The following GRHL3 variants were observed in gnomAD, a reference collection of about 807,000 sequenced individuals.
GRHL3 encodes the protein grainyhead like transcription factor 3.
Under a neutral mutation model 70.3 loss-of-function variants are expected in GRHL3, and 20 were observed. The ratio of observed to expected loss-of-function variants is 0.28; its 90% CI spans 0.20 to 0.41. GRHL3 has a LOEUF of 0.41. GRHL3 is among the 10% of genes least tolerant of loss of function. The pLI is 1.00. For synonymous variants in GRHL3, 299 were observed against 299.9 expected (o/e 1.00, Z 0.03); for missense variants, 637 against 762.3 (o/e 0.84, Z 1.94).
At chr1:24,337,968 G>A (rs748931863) in intron 6 of GRHL3, 24 bp from the exon 7 acceptor site, 2 of 1,574,362 alleles carry the variant, frequency 1.3e-6, no homozygotes, top group East Asian at 4.5e-5. Context: ...GGCCGGGAGT[G>A]ACTGTGACCA....
chr1:24,321,327 C>A lies in GRHL3; in HGVS notation c.17+1759C>A, dbSNP rs973588827. ...CAGTTGCCTGCTGAGTAATTGCAGG[C>A]GGACTCCAAGCCACCATTTGAGATT... On this transcript the variant is annotated intron_variant, in intron 1 of 15. Transcript: ENST00000361548. This position sits in a 1 kb window ranked among gnomAD's most constrained non-coding sequence, Gnocchi z 4.0. 1.3e-5 allele frequency among the ~76,000 whole-genome samples: 2 copies of A among 152,174 alleles called. No homozygotes were observed. Among genetic ancestry groups the A allele is most frequent in the African/African-American group, 2.4e-5 (1 of 41,430 alleles).
downstream of GRHL3, chr1:24,358,611 T>C (rs1268262223): frequency 6.2e-7 from 1 of 1,613,306 alleles, no homozygotes; most frequent in Admixed American, 1.7e-5. Flanking sequence ...AGCTCTGGCT[T>C]GTACGTAGCT....
intron 6 of GRHL3, 81 bp from the exon 7 acceptor site, chr1:24,337,911 G>A (rs933528376): frequency 2.6e-6 from 4 of 1,550,578 alleles, no homozygotes; most frequent in African/African-American, 2.7e-5. Flanking sequence ...CAGGGTTGGG[G>A]AAACTGAGGC....
intron 13 of GRHL3, among the ~76,000 whole-genome samples, chr1:24,347,146 C>T (rs1180995954): frequency 2.0e-5 from 3 of 152,186 alleles, no homozygotes; most frequent in Non-Finnish European, 2.9e-5. Context: ...CCAGACACTG[C>T]CATCAATTCC....
chr1:24,341,036 G>C (rs1417582673), intron 8 of GRHL3, among the ~76,000 whole-genome samples: 1 of 152,122 alleles, frequency 6.6e-6, no homozygotes, highest in East Asian at 1.9e-4. Flanking sequence ...AAAGAAGGGG[G>C]TCTGCTCAGA....
chr1:24,336,994 C>A, intron 4 of GRHL3, 84 bp from the exon 5 acceptor site: 2 of 1,357,132 alleles, frequency 1.5e-6, no homozygotes, highest in Non-Finnish European at 2.1e-6. Flanking sequence ...GTACAACCTG[C>A]ATAGCTGTAA....
At chr1:24,358,532 G>A (rs371334407), downstream of GRHL3, 31 of 1,609,814 alleles carry the variant, frequency 1.9e-5, no homozygotes, top group African/African-American at 2.7e-5. Flanking sequence ...CCTTGACCTT[G>A]TGTGACATCC....
At chr1:24,330,618 C>T (rs554236217) in intron 1 of GRHL3, among the ~76,000 whole-genome samples, 1 of 152,144 alleles carries the variant, frequency 6.6e-6, no homozygotes, top group African/African-American at 2.4e-5. Context: ...CTGTTAGGTC[C>T]CTGCTCCTTC....
Position 24,347,481 on chromosome 1 carries a change from GCGGAGGGAGAC to G in GRHL3, c.1558_1568del (p.Arg520Ter), listed in dbSNP as rs2148664290. ...CTTGCTTTTCAGTTCTGCTGTATGTGCGGAGGGAGACTGAGGAGGTGTTTGACGCGCTCATG... is the reference window on the plus strand; with the variant it reads ...CTTGCTTTTCAGTTCTGCTGTATGTGTGAGGAGGTGTTTGACGCGCTCATG... On this transcript the variant is annotated frameshift_variant, in exon 14 of 16. Coordinates refer to ENST00000361548, the MANE Select transcript of GRHL3 (RefSeq NM_198173.3). LOFTEE classifies it high-confidence loss of function. 1 of 1,614,116 alleles carries G rather than the reference GCGGAGGGAGAC, an allele frequency of 6.2e-7. No homozygotes were observed. The highest frequency in any genetic ancestry group is 2.2e-5 in the East Asian group (1 of 44,886).
chr1:24,358,519 T>G (rs1173950048), downstream of GRHL3: 1 of 1,598,514 alleles, frequency 6.3e-7, no homozygotes, highest in Non-Finnish European at 8.6e-7. Context: ...TGGCTGGAGT[T>G]CTCCTTGACC....
intron 11 of GRHL3, among the ~76,000 whole-genome samples, chr1:24,343,922 G>T (rs1353045979): frequency 1.3e-5 from 2 of 152,192 alleles, no homozygotes; most frequent in African/African-American, 4.8e-5. Flanking sequence ...TGGCACAGGC[G>T]CAGAGCACTG....
chr1:24,360,864 G>C, intron 15 of GRHL3: 1 of 1,612,760 alleles, frequency 6.2e-7, no homozygotes, highest in Non-Finnish European at 8.5e-7. Context: ...GGCCAGGCAG[G>C]CCTGGCTGAG....
Position 24,349,236 on chromosome 1 carries a change from C to CA in GRHL3, c.1630-820dup, listed in dbSNP as rs1640407719. 2.0e-5 allele frequency among the ~76,000 whole-genome samples: 3 copies of CA among 152,326 alleles called. No individual in the cohort carries two copies. The South Asian group carries it at 6.2e-4, about 32-fold the overall frequency. On this transcript the variant is annotated intron_variant, in intron 14 of 15. Transcript: ENST00000361548. ...GCTGTGTGATCTCAGGCAGGTCACTCAACAAGCCTCTGACCCACAGTCTCC... is the reference window on the plus strand; with the variant it reads ...GCTGTGTGATCTCAGGCAGGTCACTCAAACAAGCCTCTGACCCACAGTCTCC...
At chr1:24,364,232 A>T (rs1557431462) in exon 16 of GRHL3, 3 of 1,543,932 alleles carry the variant, frequency 1.9e-6, no homozygotes, top group Non-Finnish European at 2.6e-6. Context: ...CCCCCACCTG[A>T]CTGTCTTGAA....
chr1:24,353,708 G>C (rs549429856), intron 15 of GRHL3, among the ~76,000 whole-genome samples: 3 of 152,168 alleles, frequency 2.0e-5, no homozygotes, highest in Non-Finnish European at 4.4e-5. Flanking sequence ...ATCAGGAGCA[G>C]CTTCTAGAGG....
Position 24,334,532 on chromosome 1 carries a change from C to T in GRHL3, c.205-113C>T, listed in dbSNP as rs902209840. On this transcript the variant is annotated intron_variant, in intron 2 of 15. Transcript: ENST00000361548. This position sits in a 1 kb window ranked among gnomAD's most constrained non-coding sequence, Gnocchi z 4.3. ...GATGAGATTTGGGTGGGGACACAGC[C>T]GAACCATATCACCAAAGTTACTCCC... is the stretch of plus-strand genomic sequence containing the variant. The T allele has an allele frequency of 3.0e-5, 23 of 764,198 alleles. No homozygotes were observed. The highest frequency in any genetic ancestry group is 4.0e-5 in the Admixed American group (2 of 49,944). 47.3% of individuals were successfully genotyped at this position (764,198 alleles called of 1,614,324 possible).
intron 3 of GRHL3, 37 bp from the exon 4 acceptor site, chr1:24,336,445 G>T: frequency 1.4e-6 from 2 of 1,418,402 alleles, no homozygotes; most frequent in South Asian, 2.8e-5. Context: ...TTTACCCCCA[G>T]AGAGAAGTAC....
intron 1 of GRHL3, 92 bp downstream of exon 1, chr1:24,319,660 G>C: frequency 6.2e-7 from 1 of 1,609,964 alleles, no homozygotes; most frequent in South Asian, 1.1e-5. Context: ...GCCGGCACCG[G>C]GATTCACAGA....
At chr1:24,339,336 C>T (rs1198494553) in intron 7 of GRHL3, among the ~76,000 whole-genome samples, 2 of 151,392 alleles carry the variant, frequency 1.3e-5, no homozygotes, top group Admixed American at 6.6e-5. Flanking sequence ...AGTGCAGTGG[C>T]GCGATCTCGG....
Sources: allele counts gnomAD v4.1 joint callset (sites outside exome capture counted in the v4.1 genomes callset), GRCh38; gene constraint gnomAD v4.1.1; non-coding constraint Gnocchi (gnomAD v3.1); transcripts MANE v1.5; gene names NCBI Gene and HGNC (gene_info 2026-07-23, HGNC 2026-07-21).